STXBP4: variants seen among roughly 807,000 people sequenced by gnomAD.
STXBP4 encodes syntaxin binding protein 4, also known as syntaxin-binding protein 4.
Under a neutral mutation model 76.1 loss-of-function variants are expected in STXBP4, and 55 were observed. The observed-to-expected ratio is 0.72, with a 90% CI of 0.58 to 0.91. The LOEUF is 0.91. Ranked by LOEUF, STXBP4 falls within the 40% of genes least tolerant of loss-of-function variation. The pLI, the probability that STXBP4 is intolerant of heterozygous loss-of-function variation, is 0.00. For synonymous variants in STXBP4, 201 were observed against 220.2 expected (o/e 0.91, Z 0.77); for missense variants, 618 against 636.9 (o/e 0.97, Z 0.32).
chr17:55,073,074 A>T lies in STXBP4; in HGVS notation c.1186A>T (p.Lys396Ter). The T allele has an allele frequency of 6.2e-7, 1 of 1,613,184 alleles. No homozygotes were observed. Among genetic ancestry groups the T allele is most frequent in the Non-Finnish European group, 8.5e-7 (1 of 1,179,602 alleles). ...AQLADYSDQN[K>*]ESVQDLKKRI... ...GCTTGCTGATTATTCTGACCAAAAT[A>T]AAGTAAGCAAAGCAGTCATCTCTTC... Residue 396 changes from lysine to a stop codon, truncating the protein, a stop_gained and splice_region_variant, in exon 13 of 18, where the codon AAA (lysine) becomes TAA (stop). Transcript: ENST00000376352. LOFTEE classifies it high-confidence loss of function.
chr17:55,206,714 A>G, the STXBP4 span, among the ~76,000 whole-genome samples: 2 of 151,914 alleles, frequency 1.3e-5, no homozygotes, highest in South Asian at 4.2e-4. Context: ...AAATTTAGCC[A>G]GGTGTGGTGG....
chr17:55,083,445 A>G (rs1262856339), intron 16 of STXBP4, among the ~76,000 whole-genome samples: 4 of 152,206 alleles, frequency 2.6e-5, no homozygotes. Flanking sequence ...TGGTTGAACT[A>G]TGTACATAGC....
chr17:55,049,080 A>G (rs556589171), intron 12 of STXBP4, among the ~76,000 whole-genome samples: 1 of 152,012 alleles, frequency 6.6e-6, no homozygotes, highest in Non-Finnish European at 1.5e-5. Context: ...CATGCAAAGT[A>G]AGGCAATAGT....
At chr17:55,182,617 A>G in the STXBP4 span, among the ~76,000 whole-genome samples, 1 of 152,186 alleles carries the variant, frequency 6.6e-6, no homozygotes, top group Non-Finnish European at 1.5e-5. Context: ...AGTGCTTACA[A>G]ACCCCAAGTA....
At chr17:55,081,520 G>A (rs2079254736) in intron 16 of STXBP4, among the ~76,000 whole-genome samples, 2 of 152,108 alleles carry the variant, frequency 1.3e-5, no homozygotes, top group African/African-American at 2.4e-5. Flanking sequence ...TCCCACAGGT[G>A]GAATAAGATT....
intron 7 of STXBP4, among the ~76,000 whole-genome samples, chr17:55,004,201 G>T (rs1266682236): frequency 6.6e-6 from 1 of 151,028 alleles, no homozygotes; most frequent in Non-Finnish European, 1.5e-5. Context: ...AAAAAGAATT[G>T]TTGCATGAAG....
chr17:55,031,161 C>T lies in STXBP4; in HGVS notation c.667-7C>T. On this transcript the variant is annotated splice_region_variant and splice_polypyrimidine_tract_variant and intron_variant, in intron 8 of 17. Transcript: ENST00000376352. ...AAATTGCTTTTCATGAGTCCTTTAT[C>T]TTCCAGGCTCTAAATTATCTTGGTA... 1 of 1,610,806 alleles carries T rather than the reference C, an allele frequency of 6.2e-7. No homozygotes were observed. Among genetic ancestry groups the T allele is most frequent in the Non-Finnish European group, 8.5e-7 (1 of 1,177,602 alleles).
chr17:55,159,632 C>T (rs1180012996), intron 17 of STXBP4, among the ~76,000 whole-genome samples, 165 bp from the exon 18 acceptor site: 1 of 152,172 alleles, frequency 6.6e-6, no homozygotes, highest in African/African-American at 2.4e-5. Context: ...TTCATTGAAG[C>T]TTAAAATGTG....
intron 17 of STXBP4, among the ~76,000 whole-genome samples, chr17:55,157,524 C>A (rs1217223665): frequency 6.6e-6 from 1 of 152,172 alleles, no homozygotes; most frequent in Non-Finnish European, 1.5e-5. Flanking sequence ...TGTGGATTAT[C>A]GTCAAGAGAA....
chr17:55,099,704 T>C (rs952037383), intron 16 of STXBP4, among the ~76,000 whole-genome samples: 2 of 152,178 alleles, frequency 1.3e-5, no homozygotes, highest in African/African-American at 4.8e-5. Context: ...ATTTGTTGAA[T>C]ACAATTTATC....
At chr17:55,037,176 C>T (rs570674970) in intron 10 of STXBP4, among the ~76,000 whole-genome samples, 40 of 152,178 alleles carry the variant, frequency 2.6e-4, no homozygotes, top group South Asian at 2.5e-3. Flanking sequence ...GTATTCAAGG[C>T]GCACAGTTTT....
chr17:55,013,911 T>G (rs1019499836), intron 8 of STXBP4, among the ~76,000 whole-genome samples: 2 of 152,076 alleles, frequency 1.3e-5, no homozygotes, highest in African/African-American at 4.8e-5. Context: ...AAAGACATCC[T>G]TAAGGTCCAG....
At chr17:55,097,743 A>G (rs538808402) in intron 16 of STXBP4, among the ~76,000 whole-genome samples, 16 of 152,224 alleles carry the variant, frequency 1.1e-4, no homozygotes, top group Non-Finnish European at 2.2e-4. Context: ...TTTTTATCAA[A>G]AAAGTAGATT....
At chr17:55,084,662 G>T (rs573502652) in intron 16 of STXBP4, among the ~76,000 whole-genome samples, 1 of 151,778 alleles carries the variant, frequency 6.6e-6, no homozygotes, top group Admixed American at 6.6e-5. Flanking sequence ...TTTTGTATAA[G>T]GTGTAAGGAA....
chr17:55,148,256 A>G (rs1388045940), intron 17 of STXBP4, among the ~76,000 whole-genome samples: 2 of 152,224 alleles, frequency 1.3e-5, no homozygotes. Flanking sequence ...ATAAGTGAAT[A>G]AATTTTATTG....
At chr17:55,003,050 T>A (rs147766125) in intron 7 of STXBP4, among the ~76,000 whole-genome samples, 1 of 152,176 alleles carries the variant, frequency 6.6e-6, no homozygotes, top group African/African-American at 2.4e-5. Context: ...ATGCAGAAAT[T>A]AAGAAAAATT....
chr17:55,175,519 G>A (rs1257712039), downstream of STXBP4, among the ~76,000 whole-genome samples: 1 of 152,188 alleles, frequency 6.6e-6, no homozygotes, highest in African/African-American at 2.4e-5. Context: ...AAACCCTGCA[G>A]GAAATAGGAT....
At chr17:55,117,398 G>A (rs936584888) in intron 16 of STXBP4, among the ~76,000 whole-genome samples, 3 of 151,606 alleles carry the variant, frequency 2.0e-5, no homozygotes, top group East Asian at 1.9e-4. Context: ...TTCAGGTTTC[G>A]ATGATGACCG....
chr17:55,070,975 A>G (rs1240433232), intron 12 of STXBP4, among the ~76,000 whole-genome samples: 1 of 152,140 alleles, frequency 6.6e-6, no homozygotes, highest in African/African-American at 2.4e-5. Flanking sequence ...TGGCTGCTAA[A>G]TAAATGCTAT....
Sources: gnomAD v4.1 joint callset for allele counts (sites outside exome capture counted in the v4.1 genomes callset) on GRCh38, gnomAD v4.1.1 for gene constraint, MANE v1.5 for transcripts, NCBI Gene and HGNC (gene_info 2026-07-23, HGNC 2026-07-21) for gene names.